The following ZNRF1 variants were observed in gnomAD, a reference collection of about 807,000 sequenced individuals.
ZNRF1 encodes E3 ubiquitin-protein ligase ZNRF1.
Under a neutral mutation model 18.4 loss-of-function variants are expected in ZNRF1, and 3 were observed. That is an observed-to-expected ratio of 0.16 (90% CI 0.07 to 0.42). The LOEUF is 0.42. ZNRF1 is among the 10% of genes least tolerant of loss of function. The pLI is 0.99. For synonymous variants in ZNRF1, 157 were observed against 144.2 expected, an observed-to-expected ratio of 1.09 and a Z score of -0.64; for missense variants, 310 against 329.8, an observed-to-expected ratio of 0.94 and a Z score of 0.47.
chr16:75,069,970 T>G (rs767900683), intron 1 of ZNRF1, among the ~76,000 whole-genome samples: 3 of 152,182 alleles, frequency 2.0e-5, no homozygotes. Flanking sequence ...TGCTTGAGTA[T>G]CATTAACTTC....
At chr16:75,010,714 T>G (rs56053610) in intron 1 of ZNRF1, among the ~76,000 whole-genome samples, 55,548 of 118,350 alleles carry the variant, frequency 0.47, 14,074 homozygotes, top group Non-Finnish European at 0.62. Context: ...TTTTTTTGTT[T>G]TTTTGTTTTT....
At chr16:75,045,523 G>C (rs112730078) in intron 1 of ZNRF1, among the ~76,000 whole-genome samples, 8 of 150,680 alleles carry the variant, frequency 5.3e-5, no homozygotes, top group African/African-American at 2.0e-4. Flanking sequence ...AGTGTCAATC[G>C]CTGGCTTTAT....
At chr16:75,034,648 G>T (rs1212362812) in intron 1 of ZNRF1, among the ~76,000 whole-genome samples, 2 of 152,074 alleles carry the variant, frequency 1.3e-5, no homozygotes, top group Non-Finnish European at 1.5e-5. Flanking sequence ...ATTTTTTTGA[G>T]GCAGTGCCTG....
Position 75,023,284 on chromosome 16 carries a change from G to C in ZNRF1, c.424+23189G>C, listed in dbSNP as rs182601073. On this transcript the variant is annotated intron_variant, in intron 1 of 4. Coordinates refer to ENST00000335325, the MANE Select transcript of ZNRF1 (RefSeq NM_032268.5). ...CTATAGAACAGTTAAAGATTCTCAA[G>C]AAAAGATACCTTCCCCTACCTTACC... Among the ~76,000 whole-genome samples the C allele has an allele frequency of 2.0e-4, 31 of 152,210 alleles. 1 individual carries two copies. The highest frequency in any genetic ancestry group is 7.2e-4 in the African/African-American group (30 of 41,542).
chr16:75,052,882 G>C (rs1019845821), intron 1 of ZNRF1, among the ~76,000 whole-genome samples: 12 of 152,196 alleles, frequency 7.9e-5, no homozygotes, highest in African/African-American at 2.9e-4. Flanking sequence ...TTGTGATTTT[G>C]CTCTGTGGAA....
intron 1 of ZNRF1, among the ~76,000 whole-genome samples, chr16:75,023,377 C>T (rs1254540018): frequency 2.6e-5 from 4 of 152,168 alleles, no homozygotes; most frequent in Non-Finnish European, 5.9e-5. Context: ...ACTCCAGATA[C>T]ACCAAGGTTA....
intron 2 of ZNRF1, among the ~76,000 whole-genome samples, chr16:75,102,960 C>T (rs2036270482): frequency 2.0e-5 from 3 of 152,182 alleles, no homozygotes; most frequent in South Asian, 2.1e-4. Context: ...CAGAATCTCC[C>T]GTCCCCACCC....
At chr16:75,050,901 A>AAC (rs1567478928) in intron 1 of ZNRF1, among the ~76,000 whole-genome samples, 46 of 133,690 alleles carry the variant, frequency 3.4e-4, no homozygotes, top group Non-Finnish European at 6.5e-4. Flanking sequence ...AAAAAAAACA[A>AAC]AAAACTTGTA....
chr16:75,083,632 T>G (rs2036041179), intron 1 of ZNRF1, among the ~76,000 whole-genome samples: 1 of 152,174 alleles, frequency 6.6e-6, no homozygotes, highest in Non-Finnish European at 1.5e-5. Flanking sequence ...GTGCCTAGAT[T>G]GCAGTTGATA....
chr16:75,018,335 G>T (rs2035098342), intron 1 of ZNRF1, among the ~76,000 whole-genome samples: 1 of 152,074 alleles, frequency 6.6e-6, no homozygotes, highest in African/African-American at 2.4e-5. Context: ...GAGAAATATC[G>T]ACAGAAAATT....
At chr16:75,003,016 C>T (rs181068884) in intron 1 of ZNRF1, among the ~76,000 whole-genome samples, 16 of 152,264 alleles carry the variant, frequency 1.1e-4, no homozygotes, top group Admixed American at 5.9e-4. Context: ...TGCAGTGGTG[C>T]GACCTCTGCT....
At chr16:75,023,488 A>G (rs1567469097) in intron 1 of ZNRF1, among the ~76,000 whole-genome samples, 2 of 152,198 alleles carry the variant, frequency 1.3e-5, no homozygotes, top group Non-Finnish European at 1.5e-5. Context: ...GTTGGAGACC[A>G]GCCTGGCCAA....
chr16:75,039,683 G>T (rs1055070611), intron 1 of ZNRF1, among the ~76,000 whole-genome samples: 1 of 152,134 alleles, frequency 6.6e-6, no homozygotes, highest in Non-Finnish European at 1.5e-5. Flanking sequence ...AGATTTATGG[G>T]CCCCACCCCA....
chr16:75,000,272 C>A, intron 1 of ZNRF1, 177 bp downstream of exon 1: 2 of 992,648 alleles, frequency 2.0e-6, no homozygotes, highest in Non-Finnish European at 3.1e-6. Flanking sequence ...AGGCTTTCTG[C>A]GAGGCTGCGG....
At chr16:75,010,603 C>G (rs2034982267) in intron 1 of ZNRF1, among the ~76,000 whole-genome samples, 1 of 151,926 alleles carries the variant, frequency 6.6e-6, no homozygotes, top group African/African-American at 2.4e-5. Context: ...TAGGAGTGCT[C>G]CAACTTTCTT....
rs372773149 is a variant in ZNRF1 at position 75,061,644 on chromosome 16, C to T, written c.425-31928C>T. ...TAAACATTCATCTGTTGATGGACAG[C>T]TCTGATATTTTTGCCAGCAGTTTTG... On this transcript the variant is annotated intron_variant, in intron 1 of 4. Transcript: ENST00000335325. Among the ~76,000 whole-genome samples, 6 of 152,246 alleles carry T rather than the reference C, an allele frequency of 3.9e-5. No individual in the cohort carries two copies. In the South Asian group the frequency reaches 1.2e-3, roughly 32 times the overall value.
At chr16:75,065,970 G>C (rs1482047325) in intron 1 of ZNRF1, among the ~76,000 whole-genome samples, 2 of 152,134 alleles carry the variant, frequency 1.3e-5, no homozygotes, top group Non-Finnish European at 2.9e-5. Context: ...GGGCTCCTCT[G>C]GAGAGCAGGA....
intron 2 of ZNRF1, among the ~76,000 whole-genome samples, chr16:75,095,945 C>G (rs1038835922): frequency 6.6e-6 from 1 of 152,144 alleles, no homozygotes. Flanking sequence ...GGAGATTGGC[C>G]AGCCAGCCTG....
chr16:75,058,101 CTTTTCT>C lies in ZNRF1; in HGVS notation c.425-35466_425-35461del, dbSNP rs1356596416. Reference sequence around the variant, plus strand: ...TACTTGACCTGCCCTTTTTCCTTTCCTTTTCTTTTTTTTTTTTTTTTAAATATTTTA... The same window carrying C: ...TACTTGACCTGCCCTTTTTCCTTTCCTTTTTTTTTTTTTTTAAATATTTTA... On this transcript the variant is annotated intron_variant, in intron 1 of 4. Transcript: ENST00000335325. Among the ~76,000 whole-genome samples the C allele has an allele frequency of 3.0e-4, 24 of 78,810 alleles. No homozygotes were observed. The Admixed American group carries it at 3.1e-3, about 10-fold the overall frequency. 51.7% of individuals were successfully genotyped at this position (78,810 alleles called of 152,430 possible).
Sources: allele counts gnomAD v4.1 joint callset (sites outside exome capture counted in the v4.1 genomes callset), GRCh38; gene constraint gnomAD v4.1.1; transcripts MANE v1.5; gene names NCBI Gene and HGNC (gene_info 2026-07-23, HGNC 2026-07-21).